Variants in NTN1 observed in about 807,000 individuals in gnomAD.
The protein encoded by NTN1 is netrin 1, also known as netrin-1.
In NTN1, 11 loss-of-function variants were observed where a neutral mutation model predicts 54.2. The observed-to-expected ratio is 0.20, with a 90% CI of 0.13 to 0.34. NTN1 has a LOEUF of 0.34. NTN1 is among the 10% of genes least tolerant of loss of function. The pLI is 1.00. For missense variants in NTN1, 740 were observed against 893.1 expected (o/e 0.83, Z 2.18); for synonymous variants, 371 against 382.0 (o/e 0.97, Z 0.33).
In NTN1 at chr17:9,219,598, G is replaced by A. The variant is rs1905286468; in HGVS notation, c.1412-1570G>A. On this transcript the variant is annotated intron_variant, in intron 5 of 6. Transcript: ENST00000173229. The surrounding 1 kb of genome is among the most constrained non-coding windows in gnomAD (Gnocchi z 4.5). ...ACCAGTCAATGTATCTCAGGACCTC[G>A]ATGGAGGCAGTGGCCTTCACAGGCC... 6.6e-6 allele frequency among the ~76,000 whole-genome samples: 1 copy of A among 152,198 alleles called. No homozygotes were observed. The highest frequency in any genetic ancestry group is 2.1e-4 in the South Asian group (1 of 4,832).
intron 6 of NTN1, among the ~76,000 whole-genome samples, chr17:9,228,922 G>A (rs928191010): frequency 2.7e-5 from 3 of 109,450 alleles, no homozygotes; most frequent in South Asian, 3.3e-4. Context: ...GTGTGACTGC[G>A]TGTGTGACTG....
At chr17:9,201,020 A>G (rs1262263661) in intron 5 of NTN1, among the ~76,000 whole-genome samples, 1 of 152,084 alleles carries the variant, frequency 6.6e-6, no homozygotes, top group East Asian at 1.9e-4. Flanking sequence ...TGTTTTTTTT[A>G]ATGGCACAGA....
intron 2 of NTN1, among the ~76,000 whole-genome samples, chr17:9,096,013 T>C (rs2092130929): frequency 6.6e-6 from 1 of 152,124 alleles, no homozygotes; most frequent in African/African-American, 2.4e-5. Context: ...GCCACGCTGG[T>C]CTTGAACGCC....
intron 2 of NTN1, among the ~76,000 whole-genome samples, chr17:9,044,662 A>G (rs2091935557): frequency 6.6e-6 from 1 of 152,112 alleles, no homozygotes; most frequent in Admixed American, 6.6e-5. Context: ...CACAATGTTT[A>G]TATTTATTGA....
At chr17:9,021,258 G>A (rs9900753), upstream of NTN1, among the ~76,000 whole-genome samples, 41,675 of 151,326 alleles carry the variant, frequency 0.28, 5,909 homozygotes, top group South Asian at 0.41. Context: ...CGCCTGGCCC[G>A]GCCCAGCCCC....
chr17:9,055,083 T>G (rs2091974847), intron 2 of NTN1, among the ~76,000 whole-genome samples: 1 of 152,156 alleles, frequency 6.6e-6, no homozygotes, highest in African/African-American at 2.4e-5. Flanking sequence ...TTTGCTGGGT[T>G]TCAGCCTCTC....
chr17:9,144,243 A>G (rs2092306791), intron 2 of NTN1, among the ~76,000 whole-genome samples: 1 of 151,608 alleles, frequency 6.6e-6, no homozygotes, highest in South Asian at 2.1e-4. Flanking sequence ...CATCCAGTGC[A>G]CAAACCCTCC....
chr17:9,008,983 G>T, the NTN1 span, among the ~76,000 whole-genome samples: 2 of 152,226 alleles, frequency 1.3e-5, no homozygotes, highest in African/African-American at 2.4e-5. Flanking sequence ...GGAGGTTGCA[G>T]TGAGCTGAGA....
At chr17:9,096,618 G>A (rs1031839168) in intron 2 of NTN1, among the ~76,000 whole-genome samples, 2 of 151,712 alleles carry the variant, frequency 1.3e-5, no homozygotes, top group Admixed American at 6.6e-5. Flanking sequence ...TGATCCACCC[G>A]CCTCCACTTC....
At chr17:9,193,056 G>A (rs1257881682) in intron 5 of NTN1, among the ~76,000 whole-genome samples, 1 of 146,834 alleles carries the variant, frequency 6.8e-6, no homozygotes, top group African/African-American at 2.5e-5. Context: ...CTCCAGCCTG[G>A]GCGACAGAGT....
At chr17:9,091,277 A>G (rs1246470557) in intron 2 of NTN1, among the ~76,000 whole-genome samples, 1 of 152,158 alleles carries the variant, frequency 6.6e-6, no homozygotes, top group Non-Finnish European at 1.5e-5. Flanking sequence ...TTTTAGAGAC[A>G]GGGTCTCGCC....
chr17:9,131,422 G>C (rs997729141), intron 2 of NTN1, among the ~76,000 whole-genome samples: 2 of 152,136 alleles, frequency 1.3e-5, no homozygotes, highest in African/African-American at 4.8e-5. Context: ...AGGCTTTTGA[G>C]AAATATTTGC....
chr17:9,089,201 T>G (rs1241842873), intron 2 of NTN1, among the ~76,000 whole-genome samples: 1 of 152,084 alleles, frequency 6.6e-6, no homozygotes, highest in Admixed American at 6.6e-5. Context: ...TCACCCGAGT[T>G]CAGGAGTTCG....
chr17:9,183,037 G>C, intron 5 of NTN1, 68 bp downstream of exon 5: 1 of 1,510,236 alleles, frequency 6.6e-7, no homozygotes, highest in Non-Finnish European at 9.2e-7. Context: ...GTGGGTTAAT[G>C]GGGAAGGGGC....
chr17:9,223,495 T>A (rs921894269), intron 6 of NTN1, among the ~76,000 whole-genome samples: 1 of 151,406 alleles, frequency 6.6e-6, no homozygotes, highest in Non-Finnish European at 1.5e-5. Context: ...GAGGTTGCAG[T>A]GAGCTGAGAT....
At chr17:9,047,395 T>C (rs2091944484) in intron 2 of NTN1, among the ~76,000 whole-genome samples, 1 of 152,240 alleles carries the variant, frequency 6.6e-6, no homozygotes, top group Non-Finnish European at 1.5e-5. Context: ...ACCTTTGTTG[T>C]CATTTCAACA....
chr17:9,103,341 C>A (rs548426844), intron 2 of NTN1, among the ~76,000 whole-genome samples: 1 of 152,154 alleles, frequency 6.6e-6, no homozygotes, highest in South Asian at 2.1e-4. Context: ...GTGTCCCCAC[C>A]CAAGTTTCAT....
intron 2 of NTN1, among the ~76,000 whole-genome samples, chr17:9,134,936 A>G (rs773282488): frequency 4.6e-5 from 7 of 152,164 alleles, no homozygotes; most frequent in Admixed American, 1.3e-4. Context: ...CCAGAACTCA[A>G]TAGTCTTGTT....
chr17:9,086,910 C>G (rs757152354), intron 2 of NTN1, among the ~76,000 whole-genome samples: 8 of 152,186 alleles, frequency 5.3e-5, no homozygotes, highest in Non-Finnish European at 1.2e-4. Flanking sequence ...CCATCACCAT[C>G]AGCATCAGCA....
Sources: gnomAD v4.1 joint callset for allele counts (sites outside exome capture counted in the v4.1 genomes callset) on GRCh38, gnomAD v4.1.1 for gene constraint, Gnocchi (gnomAD v3.1) non-coding constraint, MANE v1.5 for transcripts, NCBI Gene and HGNC (gene_info 2026-07-23, HGNC 2026-07-21) for gene names.